The following ENOX1 variants were observed in gnomAD, a reference collection of about 807,000 sequenced individuals.
ENOX1 encodes candidate growth-related and time keeping constitutive hydroquinone (NADH) oxidase.
ENOX1 carries 42 observed loss-of-function variants against 82.5 expected under a neutral mutation model. The observed-to-expected ratio is 0.51, with a 90% CI of 0.40 to 0.66. The LOEUF (loss-of-function observed/expected upper bound fraction) is 0.66. Ranked by LOEUF, ENOX1 falls within the 30% of genes least tolerant of loss-of-function variation. The pLI is 0.00. For missense variants in ENOX1, 608 were observed against 811.6 expected (o/e 0.75, Z 3.05); for synonymous variants, 271 against 282.2 (o/e 0.96, Z 0.40).
At chr13:43,570,253 G>C (rs1236554442) in intron 2 of ENOX1, among the ~76,000 whole-genome samples, 1 of 152,200 alleles carries the variant, frequency 6.6e-6, no homozygotes, top group African/African-American at 2.4e-5. Flanking sequence ...AGAGGGTTTG[G>C]GAAATCTGGG....
At chr13:43,609,788 AT>A (rs2082123151) in intron 2 of ENOX1, 1 of 297,250 alleles carries the variant, frequency 3.4e-6, no homozygotes, top group Admixed American at 6.5e-5. Flanking sequence ...CTTCATTATT[AT>A]GGCATAACAA....
intron 1 of ENOX1, among the ~76,000 whole-genome samples, chr13:43,701,535 T>C (rs1247293571): frequency 2.6e-5 from 4 of 152,216 alleles, no homozygotes; most frequent in Non-Finnish European, 4.4e-5. Flanking sequence ...TATGTTAGTA[T>C]TGTGTATTTT....
rs140379634 is a variant in ENOX1, at chr13:43,717,097, G to A, written c.-284-49553C>T. ...CTGAATAGCCAAAGCAATCCTAATC[G>A]AAAAGAACAAAGCCAGAGGCATCAC... On this transcript the variant is annotated intron_variant, in intron 1 of 16. Transcript: ENST00000690772. 5.9e-3 allele frequency among the ~76,000 whole-genome samples: 893 copies of A among 152,062 alleles called. 5 individuals are homozygous for A. The highest frequency in any genetic ancestry group is 0.02 in the African/African-American group (847 of 41,486).
intron 2 of ENOX1, among the ~76,000 whole-genome samples, chr13:43,594,847 A>G (rs931365639): frequency 1.3e-5 from 2 of 152,022 alleles, no homozygotes; most frequent in African/African-American, 4.8e-5. Flanking sequence ...TTTTCCTTCA[A>G]GAGACTCTGC....
chr13:43,662,592 T>C (rs1001583102), intron 2 of ENOX1, among the ~76,000 whole-genome samples: 6 of 152,344 alleles, frequency 3.9e-5, no homozygotes, highest in African/African-American at 1.4e-4. Context: ...TATTCTTCCC[T>C]CTAAGAGTTT....
chr13:43,718,049 AT>A (rs1414578189), intron 1 of ENOX1, among the ~76,000 whole-genome samples: 1 of 152,200 alleles, frequency 6.6e-6, no homozygotes, highest in African/African-American at 2.4e-5. Context: ...CCAAAAGAAA[AT>A]AATCCATTCT....
At chr13:43,277,468 G>C (rs2045117452) in intron 12 of ENOX1, among the ~76,000 whole-genome samples, 1 of 152,162 alleles carries the variant, frequency 6.6e-6, no homozygotes, top group Non-Finnish European at 1.5e-5. Flanking sequence ...TGGGAGCCTG[G>C]GACAGCTATG....
intron 9 of ENOX1, among the ~76,000 whole-genome samples, chr13:43,341,295 CA>C (rs11386044): frequency 6.5e-4 from 91 of 139,872 alleles, no homozygotes; most frequent in East Asian, 8.5e-4. Context: ...GACTCCATCT[CA>C]AAAAAAAAAA....
At chr13:43,253,845 T>C (rs1353726161) in intron 14 of ENOX1, among the ~76,000 whole-genome samples, 3 of 152,176 alleles carry the variant, frequency 2.0e-5, no homozygotes, top group Non-Finnish European at 4.4e-5. Flanking sequence ...TTTCCATAGA[T>C]GCTACTGAAT....
chr13:43,730,851 G>T (rs774021942), intron 1 of ENOX1, among the ~76,000 whole-genome samples: 14 of 152,086 alleles, frequency 9.2e-5, no homozygotes, highest in Admixed American at 2.6e-4. Context: ...CATTCCGCAG[G>T]ACTCAGCTCA....
intron 1 of ENOX1, among the ~76,000 whole-genome samples, chr13:43,682,271 T>C (rs1010183647): frequency 6.6e-6 from 1 of 152,126 alleles, no homozygotes; most frequent in Non-Finnish European, 1.5e-5. Context: ...ATAAAAGGTA[T>C]GAACTCACTG....
rs549626212 is a variant in ENOX1 at position 43,763,204 on chromosome 13, G to C, written c.-285+23448C>G. ...GCAATAACAGGATATCATAGATTAG[G>C]TGGCTTATAAACAATAGAAATCTAT... On this transcript the variant is annotated intron_variant, in intron 1 of 16. Transcript: ENST00000690772. Among the ~76,000 whole-genome samples the C allele has an allele frequency of 2.8e-4, 43 of 152,306 alleles. 1 individual carries two copies. In the South Asian group the frequency reaches 8.1e-3, roughly 29 times the overall value.
intron 3 of ENOX1, among the ~76,000 whole-genome samples, chr13:43,425,557 C>G (rs896160524): frequency 4.6e-5 from 7 of 152,146 alleles, no homozygotes; most frequent in African/African-American, 1.4e-4. Flanking sequence ...CTCAAATAGT[C>G]TCTTTTTCTA....
At chr13:43,731,052 C>T (rs987285156) in intron 1 of ENOX1, among the ~76,000 whole-genome samples, 1 of 152,140 alleles carries the variant, frequency 6.6e-6, no homozygotes, top group African/African-American at 2.4e-5. Flanking sequence ...GTTCCTATTA[C>T]ATAATGTATG....
chr13:43,699,012 T>G (rs1488921232), intron 1 of ENOX1, among the ~76,000 whole-genome samples: 1 of 152,210 alleles, frequency 6.6e-6, no homozygotes, highest in Non-Finnish European at 1.5e-5. Flanking sequence ...TCCCAGCTGA[T>G]GACTGCCTCA....
At chr13:43,265,084 G>A (rs1304434807) in intron 14 of ENOX1, among the ~76,000 whole-genome samples, 1 of 152,096 alleles carries the variant, frequency 6.6e-6, no homozygotes, top group Non-Finnish European at 1.5e-5. Context: ...TACCCTGTCG[G>A]GTCTCTTGCT....
At chr13:43,567,470 A>T (rs148997947) in intron 2 of ENOX1, among the ~76,000 whole-genome samples, 1 of 152,142 alleles carries the variant, frequency 6.6e-6, no homozygotes, top group Non-Finnish European at 1.5e-5. Flanking sequence ...AATCATATCC[A>T]GGAAATAAAC....
chr13:43,723,588 G>C (rs2088721326), intron 1 of ENOX1, among the ~76,000 whole-genome samples: 1 of 152,154 alleles, frequency 6.6e-6, no homozygotes, highest in Admixed American at 6.5e-5. Context: ...CACTCCATGA[G>C]TACAAATGCA....
In ENOX1 at chr13:43,412,962, C is replaced by T; in HGVS notation, c.-48G>A. 2 of 1,610,884 alleles carry T rather than the reference C, an allele frequency of 1.2e-6. No homozygotes were observed. Among genetic ancestry groups the T allele is most frequent in the Non-Finnish European group, 8.5e-7 (1 of 1,178,888 alleles). The stretch of plus-strand genomic sequence containing the variant: ...GCAGGAACACTTTGATGGCTGAGTG[C>T]AGGGTCCCCTCGGAGGTCATCAGAT... On this transcript the variant is annotated 5_prime_UTR_variant, in exon 4 of 17. Transcript: ENST00000690772.
Sources: allele counts gnomAD v4.1 joint callset (sites outside exome capture counted in the v4.1 genomes callset), GRCh38; gene constraint gnomAD v4.1.1; transcripts MANE v1.5; gene names NCBI Gene and HGNC (gene_info 2026-07-23, HGNC 2026-07-21).